The following CNTNAP2 variants were observed in gnomAD, a reference collection of about 807,000 sequenced individuals.
CNTNAP2 encodes the protein contactin-associated protein-like 2.
A neutral mutation model predicts 155.2 loss-of-function variants in CNTNAP2; 98 were observed. The observed-to-expected ratio is 0.63, with a 90% CI of 0.54 to 0.75. CNTNAP2 has a LOEUF of 0.75. Ranked by LOEUF, CNTNAP2 falls within the 30% of genes least tolerant of loss-of-function variation. The pLI is 0.00. For synonymous variants in CNTNAP2, 651 were observed against 631.2 expected (o/e 1.03, Z -0.47); for missense variants, 1,727 against 1,688.1 (o/e 1.02, Z -0.40).
intron 11 of CNTNAP2, among the ~76,000 whole-genome samples, chr7:147,528,428 A>G (rs1336101953): frequency 6.6e-6 from 1 of 152,174 alleles, no homozygotes; most frequent in Non-Finnish European, 1.5e-5. Flanking sequence ...AAGGCTGCAG[A>G]GCATGAACAG....
chr7:146,155,182 A>G (rs1006104002), intron 1 of CNTNAP2, among the ~76,000 whole-genome samples: 1 of 152,204 alleles, frequency 6.6e-6, no homozygotes, highest in South Asian at 2.1e-4. Flanking sequence ...ATCTACTTGT[A>G]CCTGACATTG....
chr7:146,721,791 CATAT>C (rs1291573523), intron 1 of CNTNAP2, among the ~76,000 whole-genome samples: 1 of 87,504 alleles, frequency 1.1e-5, no homozygotes, highest in African/African-American at 5.3e-5. Context: ...ATATAGTCTA[CATAT>C]ATAGACTATA....
chr7:147,249,604 T>A (rs1303672165), intron 8 of CNTNAP2, among the ~76,000 whole-genome samples: 110 of 69,918 alleles, frequency 1.6e-3, no homozygotes, highest in East Asian at 3.6e-3. Context: ...ACATTGGAGG[T>A]AAAAAAAAAA....
intron 1 of CNTNAP2, among the ~76,000 whole-genome samples, chr7:146,411,300 G>T (rs1795861561): frequency 6.6e-6 from 1 of 151,960 alleles, no homozygotes; most frequent in African/African-American, 2.4e-5. Flanking sequence ...GGGATTACAG[G>T]CATGCAGCCA....
chr7:147,769,168 T>C (rs1797427038), intron 13 of CNTNAP2, among the ~76,000 whole-genome samples: 1 of 152,150 alleles, frequency 6.6e-6, no homozygotes, highest in Non-Finnish European at 1.5e-5. Flanking sequence ...GGTCAATTTA[T>C]GCTAATTGGC....
intron 8 of CNTNAP2, among the ~76,000 whole-genome samples, chr7:147,183,844 T>C (rs1584777969): frequency 6.6e-6 from 1 of 152,184 alleles, no homozygotes; most frequent in East Asian, 1.9e-4. Context: ...TGCCACCTCC[T>C]ATTGTGGCTG....
chr7:147,395,601 T>A lies in CNTNAP2; in HGVS notation c.1499-8T>A. 1 of 1,611,356 alleles carries A rather than the reference T, an allele frequency of 6.2e-7. No homozygotes were observed. The highest frequency in any genetic ancestry group is 1.3e-5 in the African/African-American group (1 of 74,916). ...CAGATTTACATTCCCATTTCTTCTG[T>A]TTCACAGGTTTTCTGAACCAGATGA... On this transcript the variant is annotated splice_region_variant and splice_polypyrimidine_tract_variant and intron_variant, in intron 9 of 23. Coordinates refer to ENST00000361727, the MANE Select transcript of CNTNAP2 (RefSeq NM_014141.6).
chr7:147,321,142 C>T (rs532396926), intron 9 of CNTNAP2, among the ~76,000 whole-genome samples: 1 of 152,320 alleles, frequency 6.6e-6, no homozygotes, highest in Non-Finnish European at 1.5e-5. Context: ...GGTGAGCCCT[C>T]TAATCTGCCT....
At chr7:146,206,886 C>T (rs563855438) in intron 1 of CNTNAP2, among the ~76,000 whole-genome samples, 5 of 151,930 alleles carry the variant, frequency 3.3e-5, no homozygotes, top group African/African-American at 1.2e-4. Context: ...TTAATAGTAC[C>T]TTTAAGTCTA....
chr7:147,627,658 C>T (rs1795007576), intron 12 of CNTNAP2, among the ~76,000 whole-genome samples: 1 of 136,714 alleles, frequency 7.3e-6, no homozygotes, highest in South Asian at 2.3e-4. Context: ...TGCCATTGCA[C>T]TCCAGCCTGG....
chr7:147,172,215 G>C (rs1034250883), intron 8 of CNTNAP2, among the ~76,000 whole-genome samples: 2 of 152,004 alleles, frequency 1.3e-5, no homozygotes, highest in African/African-American at 4.8e-5. Context: ...AGAAACAAAG[G>C]TTTATTTCTT....
In CNTNAP2 at chr7:147,037,475, T is replaced by A. The variant is rs576500196; in HGVS notation, c.403-6432T>A. Among the ~76,000 whole-genome samples, 600 of 140,074 alleles carry A rather than the reference T, an allele frequency of 4.3e-3. 10 individuals are homozygous for A. Among genetic ancestry groups the A allele is most frequent in the African/African-American group, 0.012 (463 of 38,280 alleles). The allele number at this position is 140,074 out of a possible 152,430, so 91.9% of individuals were successfully genotyped here. A position where few individuals can be genotyped will look rare whatever the true frequency, so the allele number is the denominator to read the frequency against. On this transcript the variant is annotated intron_variant, in intron 3 of 23. Coordinates refer to ENST00000361727, the MANE Select transcript of CNTNAP2 (RefSeq NM_014141.6). ...TTTCCCTTTTTTTTTTTTTTTTTTT[T>A]ATTGAGATGGAGTTTCGCTCTTGTT...
chr7:146,152,181 A>G (rs974464507), intron 1 of CNTNAP2, among the ~76,000 whole-genome samples: 3 of 152,076 alleles, frequency 2.0e-5, no homozygotes, highest in African/African-American at 4.8e-5. Context: ...TACAATTTGA[A>G]CATTAAAAAT....
Position 147,492,971 on chromosome 7 carries a change from T to C in CNTNAP2, c.1777+6930T>C, listed in dbSNP as rs1383110092. 1.0e-4 allele frequency among the ~76,000 whole-genome samples: 15 copies of C among 148,096 alleles called. No homozygotes were observed. In the Admixed American group the frequency reaches 1.0e-3, roughly 10 times the overall value. ...ATGAGATATTGTTTATTAAAGTACT[T>C]TTTAATGTACCCCAGAACTTAAAGT... On this transcript the variant is annotated intron_variant, in intron 11 of 23. Transcript: ENST00000361727.
At chr7:147,955,674 A>T (rs2247093) in intron 14 of CNTNAP2, among the ~76,000 whole-genome samples, 1 of 151,924 alleles carries the variant, frequency 6.6e-6, no homozygotes, top group Non-Finnish European at 1.5e-5. Context: ...CCTGCTCCCC[A>T]CCTCAGCTAT....
chr7:146,931,052 C>T (rs1167412349), intron 3 of CNTNAP2, among the ~76,000 whole-genome samples: 1 of 151,474 alleles, frequency 6.6e-6, no homozygotes, highest in African/African-American at 2.4e-5. Flanking sequence ...ACAAGGATAC[C>T]CAGGAATTGA....
intron 1 of CNTNAP2, among the ~76,000 whole-genome samples, chr7:146,591,289 G>T (rs1798778394): frequency 6.6e-6 from 1 of 152,046 alleles, no homozygotes; most frequent in South Asian, 2.1e-4. Flanking sequence ...AAGCATTTCG[G>T]ATGAGGGATA....
At chr7:147,394,438 A>G (rs1011152673) in intron 9 of CNTNAP2, among the ~76,000 whole-genome samples, 3 of 151,900 alleles carry the variant, frequency 2.0e-5, no homozygotes, top group Non-Finnish European at 4.4e-5. Flanking sequence ...CATTTTATAT[A>G]AATTGTTTGT....
intron 14 of CNTNAP2, among the ~76,000 whole-genome samples, chr7:147,906,258 C>T (rs1199419484): frequency 6.6e-6 from 1 of 152,000 alleles, no homozygotes; most frequent in Non-Finnish European, 1.5e-5. Flanking sequence ...GTGGCAAAAC[C>T]TCGGCCCACT....
Sources: gnomAD v4.1 joint callset for allele counts (sites outside exome capture counted in the v4.1 genomes callset) on GRCh38, gnomAD v4.1.1 for gene constraint, MANE v1.5 for transcripts, NCBI Gene and HGNC (gene_info 2026-07-23, HGNC 2026-07-21) for gene names.